The following PINX1 variants were observed in gnomAD, a reference collection of about 807,000 sequenced individuals.
PINX1 encodes PIN2 (TERF1) interacting telomerase inhibitor 1.
Under a neutral mutation model 25.4 loss-of-function variants are expected in PINX1, and 34 were observed. The observed-to-expected ratio is 1.34, with a 90% CI of 1.02 to 1.78. The LOEUF is 1.78. PINX1 is among the 40% of genes most tolerant of loss of function. PINX1 has a pLI of 0.00. For missense variants in PINX1, 592 were observed against 404.9 expected, an observed-to-expected ratio of 1.46 and a Z score of -3.97; for synonymous variants, 197 against 147.7, an observed-to-expected ratio of 1.33 and a Z score of -2.42.
chr8:10,822,811 T>A (rs1797918801), intron 5 of PINX1, among the ~76,000 whole-genome samples: 1 of 152,150 alleles, frequency 6.6e-6, no homozygotes, highest in Admixed American at 6.5e-5. Context: ...AGAGTTGAGC[T>A]GCCGAGAGTA....
intron 5 of PINX1, among the ~76,000 whole-genome samples, chr8:10,824,071 TC>T (rs60140812): frequency 0.016 from 2,505 of 151,894 alleles, 77 homozygotes; most frequent in African/African-American, 0.057. Context: ...ATCTTTATTA[TC>T]TACAATGCTG....
chr8:10,800,515 G>A (rs1802233470), intron 6 of PINX1, among the ~76,000 whole-genome samples: 1 of 151,178 alleles, frequency 6.6e-6, no homozygotes. Context: ...TGTTGCCCAG[G>A]CTGGAGTGCA....
intron 5 of PINX1, among the ~76,000 whole-genome samples, chr8:10,823,833 A>C (rs1477043381): frequency 6.6e-6 from 1 of 152,148 alleles, no homozygotes; most frequent in Non-Finnish European, 1.5e-5. Context: ...GTCTCAAAAT[A>C]AAAATAAAAA....
At chr8:10,813,295 C>T (rs1356998049) in intron 6 of PINX1, among the ~76,000 whole-genome samples, 1 of 152,096 alleles carries the variant, frequency 6.6e-6, no homozygotes, top group East Asian at 1.9e-4. Flanking sequence ...TTGAAAATCA[C>T]CTAACCATAA....
intron 5 of PINX1, chr8:10,821,786 T>C (rs988587776): frequency 1.3e-5 from 2 of 152,188 alleles, no homozygotes; most frequent in Non-Finnish European, 1.5e-5. Context: ...CCCTAACCTA[T>C]CCTCTGGAAT....
At chr8:10,790,737 C>T (rs1170810538) in intron 6 of PINX1, among the ~76,000 whole-genome samples, 1 of 152,070 alleles carries the variant, frequency 6.6e-6, no homozygotes, top group Admixed American at 6.5e-5. Context: ...CCTCCTTGCC[C>T]TCTTCATTCT....
At chr8:10,825,756 C>T (rs149902606) in intron 5 of PINX1, among the ~76,000 whole-genome samples, 26 of 152,244 alleles carry the variant, frequency 1.7e-4, no homozygotes, top group Non-Finnish European at 3.8e-4. Flanking sequence ...TCTAACCTGG[C>T]GTATTAAAAG....
At chr8:10,822,731 A>C (rs146326606) in intron 5 of PINX1, among the ~76,000 whole-genome samples, 141 of 152,300 alleles carry the variant, frequency 9.3e-4, no homozygotes, top group African/African-American at 3.3e-3. Flanking sequence ...GATGATTTGG[A>C]AACAGTTTAG....
chr8:10,793,869 T>C (rs192737769), intron 6 of PINX1, among the ~76,000 whole-genome samples: 2 of 152,312 alleles, frequency 1.3e-5, no homozygotes, highest in Admixed American at 1.3e-4. Context: ...CCTTATGACC[T>C]GTACAGATTT....
In PINX1 at chr8:10,832,908, G is replaced by T; in HGVS notation, c.206C>A (p.Ala69Asp). The change falls in exon 3 of 7, where the codon GCT (alanine) becomes GAT (aspartate). Residue 69 changes from alanine (A) to aspartate (D), a missense_variant. Ala to Asp is a moderately radical substitution (Grantham distance 126). Coordinates refer to ENST00000314787, the MANE Select transcript of PINX1 (RefSeq NM_017884.6). Reference protein sequence around the residue: ...QVKNNHLGLGATINNEDNWIA... With the variant: ...QVKNNHLGLGDTINNEDNWIA... The stretch of plus-strand genomic sequence containing the variant: ...GCTGCTCACTTCATTATTGATGGTA[G>T]CTCCGAGTCCCAGGTGGTTATTTTT... The T allele has an allele frequency of 6.2e-7, 1 of 1,607,984 alleles. No individual in the cohort carries two copies. The highest frequency in any genetic ancestry group is 8.5e-7 in the Non-Finnish European group (1 of 1,175,022).
chr8:10,839,297 T>TA (rs1212615049), intron 1 of PINX1, among the ~76,000 whole-genome samples: 4 of 152,194 alleles, frequency 2.6e-5, no homozygotes, highest in South Asian at 2.1e-4. Flanking sequence ...TCCTTTGCTT[T>TA]TTCTTTTTCT....
Position 10,765,816 on chromosome 8 carries a change from T to C in PINX1, c.572A>G (p.Asn191Ser). ...CCCTGGAACTGGAACCTGGGGCTTG[T>C]TCTTCAGTGCTGCCATCCGCTTGGC... ...YFAKRMAALK[N>S]KPQVPVPGSD... is the part of the protein sequence containing the mutation. Residue 191 changes from asparagine (N) to serine (S), a missense_variant, in exon 7 of 7, where the codon AAC becomes AGC. Coordinates refer to ENST00000314787, the MANE Select transcript of PINX1 (RefSeq NM_017884.6). 1 of 1,613,998 alleles carries C rather than the reference T, an allele frequency of 6.2e-7. No homozygotes were observed. Among genetic ancestry groups the C allele is most frequent in the Non-Finnish European group, 8.5e-7 (1 of 1,179,886 alleles).
chr8:10,806,781 G>A (rs1295498822), intron 6 of PINX1, among the ~76,000 whole-genome samples: 4 of 152,120 alleles, frequency 2.6e-5, no homozygotes, highest in African/African-American at 7.2e-5. Flanking sequence ...GGGCAGGGGA[G>A]GCGCTCCTGA....
At chr8:10,814,500 G>T (rs374490659) in intron 6 of PINX1, among the ~76,000 whole-genome samples, 1 of 152,220 alleles carries the variant, frequency 6.6e-6, no homozygotes, top group Non-Finnish European at 1.5e-5. Flanking sequence ...AGAGTGAAAT[G>T]CAAGGTCTGA....
chr8:10,827,417 C>T (rs1021659066), intron 4 of PINX1, among the ~76,000 whole-genome samples: 1 of 152,030 alleles, frequency 6.6e-6, no homozygotes, highest in African/African-American at 2.4e-5. Context: ...GAAAGTAGGT[C>T]CTTGCCTGAA....
intron 6 of PINX1, among the ~76,000 whole-genome samples, chr8:10,813,247 A>G (rs1371722135): frequency 6.6e-6 from 1 of 152,202 alleles, no homozygotes; most frequent in Non-Finnish European, 1.5e-5. Flanking sequence ...GTAGAGCGAT[A>G]GGTGCAGGAA....
rs202202690 is a variant in PINX1 at position 10,765,625 on chromosome 8, C to A, written c.763G>T (p.Ala255Ser). 4 of 1,613,842 alleles carry A rather than the reference C, an allele frequency of 2.5e-6. No individual in the cohort carries two copies. Among genetic ancestry groups the A allele is most frequent in the Non-Finnish European group, 8.5e-7 (1 of 1,179,874 alleles). The change falls in exon 7 of 7, where the codon GCG becomes TCG. Residue 255 changes from alanine to serine, a missense_variant. By Grantham distance (99) the Ala-to-Ser change is moderately conservative. Coordinates refer to ENST00000314787, the MANE Select transcript of PINX1 (RefSeq NM_017884.6). ...CCTCTGAGCTGCTCTTCTGCTGGCG[C>A]GCTCTTCTTCTTGGCCACTCGCTCC... is the stretch of plus-strand genomic sequence containing the variant. Reference protein sequence around the residue: ...AQERVAKKKSAPAEEQLRGPC... With the variant: ...AQERVAKKKSSPAEEQLRGPC...
chr8:10,809,090 T>C (rs1802544502), intron 6 of PINX1, among the ~76,000 whole-genome samples: 1 of 152,222 alleles, frequency 6.6e-6, no homozygotes, highest in Non-Finnish European at 1.5e-5. Flanking sequence ...CATTGTGAGG[T>C]ATGATGGTTT....
rs55645313 is a variant in PINX1, at chr8:10,805,518, G to A, written c.471+14675C>T. ...GAGTGGGTGACAGAGCACAGGAAGG[G>A]GCCACACTAGTGCTGAGGGAGGAGG... is the stretch of plus-strand genomic sequence containing the variant. On this transcript the variant is annotated intron_variant, in intron 6 of 6. Coordinates refer to ENST00000314787, the MANE Select transcript of PINX1 (RefSeq NM_017884.6). Among the ~76,000 whole-genome samples, 738 of 111,100 alleles carry A rather than the reference G, an allele frequency of 6.6e-3. 63 individuals carry two copies. Among genetic ancestry groups the A allele is most frequent in the Middle Eastern group, 8.7e-3 (2 of 230 alleles). The allele number at this position is 111,100 out of a possible 152,430, so 72.9% of individuals were successfully genotyped here.
Sources: allele counts gnomAD v4.1 joint callset (sites outside exome capture counted in the v4.1 genomes callset), GRCh38; gene constraint gnomAD v4.1.1; transcripts MANE v1.5; gene names NCBI Gene and HGNC (gene_info 2026-07-23, HGNC 2026-07-21).